VPS13D: variants seen among roughly 807,000 people sequenced by gnomAD.
VPS13D encodes the protein vacuolar protein sorting 13 homolog D.
Under a neutral mutation model 461.9 loss-of-function variants are expected in VPS13D, and 187 were observed. The observed-to-expected ratio is 0.40, with a 90% confidence interval of 0.36 to 0.46. VPS13D has a LOEUF of 0.46. VPS13D is among the 20% of genes least tolerant of loss of function. VPS13D has a pLI of 0.60. For synonymous variants in VPS13D, 1,951 were observed against 1,986.3 expected (o/e 0.98, Z 0.47); for missense variants, 4,711 against 5,364.9 (o/e 0.88, Z 3.81).
chr1:12,341,933 CT>C, intron 41 of VPS13D, 48 bp downstream of exon 41: 1 of 1,587,564 alleles, frequency 6.3e-7, no homozygotes, highest in South Asian at 1.1e-5. Context: ...CCACCAAAGC[CT>C]TCTTGTGCCA....
At chr1:12,344,691 C>G (rs1643638813) in intron 42 of VPS13D, among the ~76,000 whole-genome samples, 2 of 152,254 alleles carry the variant, frequency 1.3e-5, no homozygotes, top group African/African-American at 4.8e-5. Flanking sequence ...GCTTTTTCCC[C>G]TTTTGGCACA....
At position 12,495,631 on chromosome 1, in the gene VPS13D, T is replaced by G. The variant is rs768456767; in HGVS notation, c.12663-1869T>G. The stretch of plus-strand genomic sequence containing the variant: ...TCAGATTTGGGATATATATTGAATT[T>G]GAGCCTGCAGGCCTCCCAGTTGATT... On this transcript the variant is annotated intron_variant, in intron 67 of 69. Coordinates refer to ENST00000620676, the MANE Select transcript of VPS13D (RefSeq NM_015378.4). This position sits in a 1 kb window ranked among gnomAD's most constrained non-coding sequence, Gnocchi z 4.0. 6.6e-6 allele frequency among the ~76,000 whole-genome samples: 1 copy of G among 152,192 alleles called. No individual in the cohort carries two copies. Among genetic ancestry groups the G allele is most frequent in the Non-Finnish European group, 1.5e-5 (1 of 68,026 alleles).
rs115135234 is a variant in VPS13D at position 12,370,889 on chromosome 1, T to C, written c.10808+1187T>C. On this transcript the variant is annotated intron_variant, in intron 54 of 69. Transcript: ENST00000620676. ...ATGGGTTGAACCTATATGGAAGACA[T>C]AAAAAGAGAAGCTCCTGGAATCTTG... is the stretch of plus-strand genomic sequence containing the variant. Among the ~76,000 whole-genome samples, 748 of 152,162 alleles carry C rather than the reference T, an allele frequency of 4.9e-3. 3 individuals are homozygous for C. The highest frequency in any genetic ancestry group is 0.016 in the African/African-American group (685 of 41,518).
At chr1:12,230,698 C>T (rs1639937335) in intron 1 of VPS13D, among the ~76,000 whole-genome samples, 1 of 151,954 alleles carries the variant, frequency 6.6e-6, no homozygotes, top group Non-Finnish European at 1.5e-5. Context: ...ACCTTTTGCC[C>T]CCCAGGGTCA....
intron 67 of VPS13D, among the ~76,000 whole-genome samples, chr1:12,493,183 TAAAAAA>T (rs779968098): frequency 8.6e-6 from 1 of 116,770 alleles, no homozygotes; most frequent in African/African-American, 3.2e-5. Flanking sequence ...GACCAGTTAT[TAAAAAA>T]AAAAAAAAAA....
At position 12,440,926 on chromosome 1, in the gene VPS13D, AT is replaced by A. The variant is rs536104936; in HGVS notation, c.12334-15061del. Among the ~76,000 whole-genome samples the A allele has an allele frequency of 2.3e-3, 333 of 147,544 alleles. 2 individuals are homozygous for A. Among genetic ancestry groups the A allele is most frequent in the Admixed American group, 3.4e-3 (51 of 14,828 alleles). ...AAAAATAAAATGAAGGGAGGAAAAG[AT>A]TTTTTTTTTTCTTTCGAGATGGAGT... On this transcript the variant is annotated intron_variant, in intron 65 of 69. Coordinates refer to ENST00000620676, the MANE Select transcript of VPS13D (RefSeq NM_015378.4).
chr1:12,383,543 T>G (rs1251842274), intron 58 of VPS13D, among the ~76,000 whole-genome samples: 1 of 151,570 alleles, frequency 6.6e-6, no homozygotes, highest in East Asian at 1.9e-4. Context: ...AGAGTAGGAG[T>G]GGAGGGTGTA....
intron 37 of VPS13D, among the ~76,000 whole-genome samples, 179 bp from the exon 38 acceptor site, chr1:12,333,047 C>T (rs538297857): frequency 2.0e-5 from 3 of 152,244 alleles, no homozygotes; most frequent in Middle Eastern, 3.4e-3. Flanking sequence ...TTCTGGACAA[C>T]GCAGACATCT....
intron 66 of VPS13D, among the ~76,000 whole-genome samples, chr1:12,459,948 AT>A (rs779399019): frequency 0.025 from 3,045 of 122,106 alleles, 26 homozygotes; most frequent in African/African-American, 0.069. Context: ...CTTTTCTCTG[AT>A]TTTTTTTTTT....
At chr1:12,457,534 G>A (rs1441046870) in intron 66 of VPS13D, among the ~76,000 whole-genome samples, 1 of 152,182 alleles carries the variant, frequency 6.6e-6, no homozygotes, top group Non-Finnish European at 1.5e-5. Context: ...CTCATGCATA[G>A]TAAGGCTTAG....
In VPS13D at chr1:12,314,297, A is replaced by G; in HGVS notation, c.7118A>G (p.Gln2373Arg). The change falls in exon 30 of 70, where the codon CAA becomes CGA. Residue 2373 changes from glutamine (Q) to arginine (R), a missense_variant. Around this residue, in one of 3 missense-constraint regions of VPS13D, gnomAD observed 4,411 missense variants for 4,937.8 expected, o/e 0.89. Transcript: ENST00000620676. ...CCCGCTAAGAACAGCAGCACCACCC[A>G]AGGGTCCATTCAGATTGAACTACAT... ...FQPAKNSSTT[Q>R]GSIQIELHFR... The G allele has an allele frequency of 6.2e-7, 1 of 1,614,144 alleles. No homozygotes were observed. The highest frequency in any genetic ancestry group is 8.5e-7 in the Non-Finnish European group (1 of 1,179,988).
rs781144135 is a variant in VPS13D, at chr1:12,283,535, T to C, written c.5433T>C (p.Asp1811=). Reference sequence around the variant, plus strand: ...ACAATCGAGTTAACCGGAGCATTGATGTTGATTTTAATTGCTTGGATGTGC... The same window carrying C: ...ACAATCGAGTTAACCGGAGCATTGACGTTGATTTTAATTGCTTGGATGTGC... ...SSYNRVNRSI[D]VDFNCLDVLI... is the part of the protein sequence containing the mutation. Residue 1811 remains aspartate, a synonymous_variant, in exon 21 of 70, where the codon GAT becomes GAC. Coordinates refer to ENST00000620676, the MANE Select transcript of VPS13D (RefSeq NM_015378.4). 1.9e-6 allele frequency: 3 copies of C among 1,614,216 alleles called. No homozygotes were observed. Among genetic ancestry groups the C allele is most frequent in the Non-Finnish European group, 2.5e-6 (3 of 1,180,030 alleles).
At chr1:12,244,721 C>A in intron 5 of VPS13D, 104 bp downstream of exon 5, 1 of 1,119,906 alleles carries the variant, frequency 8.9e-7, no homozygotes. Flanking sequence ...CTCAGCTGAT[C>A]TAGGGTGTAG....
intron 13 of VPS13D, among the ~76,000 whole-genome samples, chr1:12,264,918 G>T (rs976855910): frequency 8.5e-5 from 13 of 152,184 alleles, no homozygotes; most frequent in Non-Finnish European, 1.6e-4. Flanking sequence ...AGAACAGGCT[G>T]ACTCTCTTGT....
intron 1 of VPS13D, among the ~76,000 whole-genome samples, chr1:12,230,416 C>A (rs867247761): frequency 7.2e-5 from 11 of 152,260 alleles, no homozygotes; most frequent in African/African-American, 2.4e-4. Context: ...CCTCTGGGAA[C>A]CCCGACGTCC....
At chr1:12,483,882 C>A (rs1321681785) in intron 67 of VPS13D, among the ~76,000 whole-genome samples, 3 of 151,996 alleles carry the variant, frequency 2.0e-5, no homozygotes, top group African/African-American at 7.3e-5. Flanking sequence ...CCTGTAATCC[C>A]AGCTACTCAG....
rs756025227 is a variant in VPS13D, at chr1:12,271,041, C to G, written c.2020C>G (p.Arg674Gly). The change falls in exon 17 of 70, where the codon CGA becomes GGA. Residue 674 changes from arginine to glycine, a missense_variant. By Grantham distance (125) the Arg-to-Gly change is moderately radical. Coordinates refer to ENST00000620676, the MANE Select transcript of VPS13D (RefSeq NM_015378.4). ...ELELRVAEAA[R>G]RQYNKLKMQT... The stretch of plus-strand genomic sequence containing the variant: ...TGAGCTGAGAGTGGCTGAAGCTGCC[C>G]GAAGACAATATAACAAGCTGAAGAT... 3.7e-6 allele frequency: 6 copies of G among 1,613,788 alleles called. No homozygotes were observed. The highest frequency in any genetic ancestry group is 5.1e-6 in the Non-Finnish European group (6 of 1,179,872).
chr1:12,309,984 T>C (rs557685647), intron 27 of VPS13D, among the ~76,000 whole-genome samples: 286 of 152,256 alleles, frequency 1.9e-3, no homozygotes, highest in African/African-American at 5.8e-3. Context: ...TGGCTGGTGT[T>C]CAGTTATGGT....
rs138489477 is a variant in VPS13D at position 12,383,159 on chromosome 1, A to T, written c.11370+4A>T. Reference sequence around the variant, plus strand: ...TGGACCAACTAGAGCACTCCAGGTGATAATTTGTCATAAGAGCTGATGTGA... The same window carrying T: ...TGGACCAACTAGAGCACTCCAGGTGTTAATTTGTCATAAGAGCTGATGTGA... On this transcript the variant is annotated splice_donor_region_variant and intron_variant, in intron 58 of 69. Transcript: ENST00000620676. The T allele has an allele frequency of 8.1e-4, 1,306 of 1,607,634 alleles. 6 individuals carry two copies. The African/African-American group carries it at 0.015, about 19-fold the overall frequency.
Sources: gnomAD v4.1 joint callset for allele counts (sites outside exome capture counted in the v4.1 genomes callset) on GRCh38, gnomAD v4.1.1 for gene constraint, gnomAD v4.1.1 regional missense constraint, Gnocchi (gnomAD v3.1) non-coding constraint, MANE v1.5 for transcripts, NCBI Gene and HGNC (gene_info 2026-07-23, HGNC 2026-07-21) for gene names.